GLI2: variants seen among roughly 807,000 people sequenced by gnomAD.
GLI2 encodes the protein GLI family zinc finger 2.
GLI2 carries 22 observed loss-of-function variants against 78.9 expected under a neutral mutation model. The ratio of observed to expected loss-of-function variants is 0.28; its 90% confidence interval spans 0.20 to 0.40. The LOEUF is 0.40. Ranked by LOEUF, GLI2 falls within the 10% of genes least tolerant of loss-of-function variation. The probability of loss-of-function intolerance (pLI) is 1.00; values close to 1 mark genes in which losing one functional copy is unlikely to be tolerated. For synonymous variants in GLI2, 974 were observed against 963.7 expected, an observed-to-expected ratio of 1.01 and a Z score of -0.20; for missense variants, 2,097 against 2,213.2, an observed-to-expected ratio of 0.95 and a Z score of 1.05.
intron 2 of GLI2, among the ~76,000 whole-genome samples, chr2:120,899,822 A>T (rs277542): frequency 0.13 from 19,463 of 152,218 alleles, 2,123 homozygotes; most frequent in African/African-American, 0.3. Context: ...CTGTTTTTCT[A>T]ACTGGTGTCC....
At chr2:120,907,037 C>T (rs943792822) in intron 2 of GLI2, among the ~76,000 whole-genome samples, 8 of 152,164 alleles carry the variant, frequency 5.3e-5, no homozygotes, top group African/African-American at 1.9e-4. Flanking sequence ...TCCCTGTCAC[C>T]CCCTTGCATA....
At chr2:120,798,203 T>C (rs1193522237) in intron 2 of GLI2, among the ~76,000 whole-genome samples, 1 of 152,246 alleles carries the variant, frequency 6.6e-6, no homozygotes, top group Non-Finnish European at 1.5e-5. Flanking sequence ...CTCTCAGGGC[T>C]GAGGCACAGC....
intron 4 of GLI2, among the ~76,000 whole-genome samples, chr2:120,955,036 C>T (rs1681174361): frequency 6.6e-6 from 1 of 151,822 alleles, no homozygotes; most frequent in Non-Finnish European, 1.5e-5. Context: ...CCTCCTTCAG[C>T]AGCAACACCG....
rs777369274 is a variant in GLI2, at chr2:120,986,617, G to A, written c.2242+3G>A. The stretch of plus-strand genomic sequence containing the variant: ...GCTGCCTCCCCTCCCGGGAAGTGGT[G>A]AGTAAAGGCCTGGGGTTTGCAGATG... On this transcript the variant is annotated splice_donor_region_variant and intron_variant, in intron 13 of 13. Coordinates refer to ENST00000361492, the MANE Select transcript of GLI2 (RefSeq NM_001374353.1). 3.7e-6 allele frequency: 6 copies of A among 1,613,434 alleles called. No individual in the cohort carries two copies. In the East Asian group the frequency reaches 1.1e-4, roughly 30 times the overall value.
intron 1 of GLI2, among the ~76,000 whole-genome samples, chr2:120,736,501 A>G (rs1003866876): frequency 6.6e-6 from 1 of 151,616 alleles, no homozygotes; most frequent in African/African-American, 2.4e-5. Flanking sequence ...GCGGGGACGT[A>G]AGGAGAGTCC....
At chr2:120,845,254 CAG>C (rs1401651932) in intron 2 of GLI2, among the ~76,000 whole-genome samples, 1 of 152,126 alleles carries the variant, frequency 6.6e-6, no homozygotes, top group Non-Finnish European at 1.5e-5. Flanking sequence ...GCCTGGGTGA[CAG>C]AGTAAGACTC....
intron 2 of GLI2, among the ~76,000 whole-genome samples, chr2:120,840,727 GTGTCCC>G (rs1466701052): frequency 6.6e-6 from 1 of 152,226 alleles, no homozygotes; most frequent in Non-Finnish European, 1.5e-5. Flanking sequence ...GCATCTTGGT[GTGTCCC>G]TGTGCTGGTG....
Position 120,991,353 on chromosome 2 carries a change from A to AT in GLI2, c.*678_*679insT, listed in dbSNP as rs1683287057. The AT allele has an allele frequency of 6.5e-6, 1 of 152,712 alleles. No homozygotes were observed. Among genetic ancestry groups the AT allele is most frequent in the African/African-American group, 2.4e-5 (1 of 41,456 alleles). The allele number at this position is 152,712 out of a possible 1,614,324, so 9.5% of individuals were successfully genotyped here. On this transcript the variant is annotated 3_prime_UTR_variant, in exon 14 of 14. Coordinates refer to ENST00000361492, the MANE Select transcript of GLI2 (RefSeq NM_001374353.1). ...TGAATAAAGCATCCAAGTATATATGAATGAATAAAGTATGTAAGTATCACC... is the reference window on the plus strand; with the variant it reads ...TGAATAAAGCATCCAAGTATATATGATATGAATAAAGTATGTAAGTATCACC...
At chr2:120,835,575 G>A (rs1686572119) in intron 2 of GLI2, among the ~76,000 whole-genome samples, 1 of 151,934 alleles carries the variant, frequency 6.6e-6, no homozygotes, top group South Asian at 2.1e-4. Flanking sequence ...TAGAAAAGAT[G>A]GGGTTTCACC....
chr2:120,857,083 T>G (rs920363640), intron 2 of GLI2, among the ~76,000 whole-genome samples: 1 of 152,116 alleles, frequency 6.6e-6, no homozygotes, highest in Non-Finnish European at 1.5e-5. Flanking sequence ...AGGGGAAGGC[T>G]TAGAGCTTAG....
At chr2:120,786,939 A>T (rs1684014108) in intron 1 of GLI2, among the ~76,000 whole-genome samples, 1 of 152,232 alleles carries the variant, frequency 6.6e-6, no homozygotes, top group South Asian at 2.1e-4. Context: ...ATTCTTGAAG[A>T]CTTGAGTGCC....
Position 120,737,997 on chromosome 2 carries a change from C to T in GLI2, c.-31+1712C>T, listed in dbSNP as rs534439303. Among the ~76,000 whole-genome samples, 50 of 152,308 alleles carry T rather than the reference C, an allele frequency of 3.3e-4. No homozygotes were observed. The highest frequency in any genetic ancestry group is 3.1e-4 in the African/African-American group (13 of 41,572). On this transcript the variant is annotated intron_variant, in intron 1 of 13. Transcript: ENST00000361492. The surrounding 1 kb of genome is among the most constrained non-coding windows in gnomAD (Gnocchi z 4.3). ...CCATTTCCTTACCTTGCTGGGAGTT[C>T]CCTTGGCTGGGTTTCCCTGTGTCTG...
At chr2:120,917,060 A>G (rs1177774266) in intron 2 of GLI2, among the ~76,000 whole-genome samples, 2 of 152,172 alleles carry the variant, frequency 1.3e-5, no homozygotes, top group African/African-American at 4.8e-5. Flanking sequence ...GCCCAGAATA[A>G]ATGGCCAGAA....
rs1678122369 is a variant in GLI2 at position 120,899,129 on chromosome 2, G to GGA, written c.149-28228_149-28227dup. Among the ~76,000 whole-genome samples the GGA allele has an allele frequency of 1.3e-5, 2 of 152,196 alleles. 1 individual carries two copies. Among genetic ancestry groups the GGA allele is most frequent in the South Asian group, 4.2e-4 (2 of 4,816 alleles). ...ACAGCAAGCCTCCTGCACCCCGCCA[G>GGA]GAGAGCTCTTTCCTGGAGATCAATC... On this transcript the variant is annotated intron_variant, in intron 2 of 13. Transcript: ENST00000361492.
chr2:120,778,371 C>G (rs1683744432), intron 1 of GLI2, among the ~76,000 whole-genome samples: 1 of 152,198 alleles, frequency 6.6e-6, no homozygotes, highest in Middle Eastern at 3.2e-3. Context: ...TCAGAGTGCT[C>G]CCATCGTCGC....
intron 2 of GLI2, among the ~76,000 whole-genome samples, chr2:120,921,875 G>A (rs1194109072): frequency 6.6e-6 from 1 of 152,292 alleles, no homozygotes; most frequent in South Asian, 2.1e-4. Flanking sequence ...TGGCAAGTTA[G>A]CCTTCATGCT....
At chr2:120,915,411 T>C (rs1382450060) in intron 2 of GLI2, among the ~76,000 whole-genome samples, 2 of 152,202 alleles carry the variant, frequency 1.3e-5, no homozygotes, top group African/African-American at 4.8e-5. Context: ...AAGCACTTTT[T>C]AGTTGCACGT....
chr2:120,760,517 C>G (rs900365865), intron 1 of GLI2, among the ~76,000 whole-genome samples: 3 of 152,150 alleles, frequency 2.0e-5, no homozygotes, highest in Admixed American at 2.0e-4. Flanking sequence ...CCCTTTGGCA[C>G]TTGTATGTAG....
intron 1 of GLI2, among the ~76,000 whole-genome samples, chr2:120,770,015 G>A (rs905269910): frequency 3.3e-5 from 5 of 152,144 alleles, no homozygotes; most frequent in African/African-American, 1.2e-4. Flanking sequence ...GAGCTGCCTG[G>A]GTCATGCTGA....
Sources: gnomAD v4.1 joint callset for allele counts (sites outside exome capture counted in the v4.1 genomes callset) on GRCh38, gnomAD v4.1.1 for gene constraint, Gnocchi (gnomAD v3.1) non-coding constraint, MANE v1.5 for transcripts, NCBI Gene and HGNC (gene_info 2026-07-23, HGNC 2026-07-21) for gene names.